Variants in DPY19L4 observed in about 807,000 individuals in gnomAD.
DPY19L4 encodes probable C-mannosyltransferase DPY19L4.
In DPY19L4, 97 loss-of-function variants were observed where a neutral mutation model predicts 102.8. The observed-to-expected ratio is 0.94, with a 90% CI of 0.80 to 1.12. DPY19L4 has a LOEUF of 1.12. DPY19L4 is among the 50% of genes most tolerant of loss of function. DPY19L4 has a pLI of 0.00. For synonymous variants in DPY19L4, 252 were observed against 283.1 expected, an observed-to-expected ratio of 0.89 and a Z score of 1.10; for missense variants, 815 against 850.4, an observed-to-expected ratio of 0.96 and a Z score of 0.52.
chr8:94,788,095 A>ATATATATATATATATATTTTTTTT (rs778540423), intron 18 of DPY19L4, 43 bp downstream of exon 18: 1 of 939,262 alleles, frequency 1.1e-6, no homozygotes, highest in African/African-American at 2.3e-5. Flanking sequence ...ATATATATAT[A>ATATATATATATATATATTTTTTTT]TTTTTTTTTT....
At position 94,734,755 on chromosome 8, in the gene DPY19L4, G is replaced by A. The variant is rs200830188; in HGVS notation, c.252+1G>A. ...GAAATTCTGGTTTTCCAACAGGCAG[G>A]TAAGAAGAAAGAATTTTGAGCATAT... is the stretch of plus-strand genomic sequence containing the variant. On this transcript the variant is annotated splice_donor_variant, in intron 3 of 18. Transcript: ENST00000414645. LOFTEE classifies it high-confidence loss of function. 6.2e-7 allele frequency: 1 copy of A among 1,613,216 alleles called. No individual in the cohort carries two copies. Among genetic ancestry groups the A allele is most frequent in the Non-Finnish European group, 8.5e-7 (1 of 1,179,812 alleles).
chr8:94,773,690 A>G (rs1813034651), intron 13 of DPY19L4, among the ~76,000 whole-genome samples: 1 of 151,960 alleles, frequency 6.6e-6, no homozygotes, highest in African/African-American at 2.4e-5. Context: ...TCAGCCTCCC[A>G]AAGTGCTAGG....
chr8:94,765,091 T>C, intron 8 of DPY19L4, 92 bp from the exon 9 acceptor site: 2 of 923,710 alleles, frequency 2.2e-6, no homozygotes, highest in South Asian at 1.9e-5. Flanking sequence ...GAGCATTAAC[T>C]GTATAATTAT....
At chr8:94,744,817 G>A (rs994845484) in intron 6 of DPY19L4, 14 of 301,162 alleles carry the variant, frequency 4.6e-5, no homozygotes, top group African/African-American at 3.0e-4. Flanking sequence ...TATTGCTGGA[G>A]TAGAAGTTAA....
chr8:94,776,895 G>A (rs934665025), intron 13 of DPY19L4, among the ~76,000 whole-genome samples: 1 of 150,876 alleles, frequency 6.6e-6, no homozygotes, highest in African/African-American at 2.4e-5. Flanking sequence ...AACCCAGAAG[G>A]CGGGGGTTGC....
chr8:94,722,090 CAG>C (rs1393644579), intron 1 of DPY19L4, among the ~76,000 whole-genome samples: 1 of 151,380 alleles, frequency 6.6e-6, no homozygotes, highest in Non-Finnish European at 1.5e-5. Context: ...GCCTGGGTGA[CAG>C]AGTGAGACTC....
chr8:94,770,592 C>A (rs773350295), intron 13 of DPY19L4, 21 bp downstream of exon 13: 4 of 1,612,062 alleles, frequency 2.5e-6, no homozygotes, highest in Non-Finnish European at 3.4e-6. Flanking sequence ...TTTATTTGAT[C>A]CCTTTGTTTT....
chr8:94,775,524 A>G (rs1227477159), intron 13 of DPY19L4, among the ~76,000 whole-genome samples: 1 of 152,164 alleles, frequency 6.6e-6, no homozygotes, highest in Admixed American at 6.6e-5. Flanking sequence ...ACAGGGTCTA[A>G]TTGTGTTGCC....
intron 13 of DPY19L4, 82 bp from the exon 14 acceptor site, chr8:94,777,584 A>G: frequency 6.7e-7 from 1 of 1,496,772 alleles, no homozygotes; most frequent in South Asian, 1.4e-5. Context: ...CGTGAGTAGT[A>G]GGAAAGAGCT....
chr8:94,739,812 ATTTTTAAAAAC>A (rs765176151), intron 6 of DPY19L4, 22 bp downstream of exon 6: 23 of 1,609,252 alleles, frequency 1.4e-5, no homozygotes, highest in Non-Finnish European at 2.0e-5. Context: ...GTTTTAATTG[ATTTTTAAAAAC>A]TTTTTGTGGC....
At chr8:94,785,498 T>C (rs1200816082) in intron 17 of DPY19L4, among the ~76,000 whole-genome samples, 1 of 152,184 alleles carries the variant, frequency 6.6e-6, no homozygotes, top group African/African-American at 2.4e-5. Context: ...AGCCAAGGAA[T>C]TTGTATAGTC....
rs1467388626 is a variant in DPY19L4, at chr8:94,739,710, T to G, written c.531T>G (p.Thr177=). 3 of 1,613,816 alleles carry G rather than the reference T, an allele frequency of 1.9e-6. No homozygotes were observed. The highest frequency in any genetic ancestry group is 1.7e-5 in the Admixed American group (1 of 60,002). ...IVFGLQGIYV[T]ALFVTSWLMS... ...TTGGATTGCAAGGAATATATGTTACTGCTTTATTTGTTACAAGTTGGCTTA... is the reference window on the plus strand; with the variant it reads ...TTGGATTGCAAGGAATATATGTTACGGCTTTATTTGTTACAAGTTGGCTTA... Residue 177 remains threonine (T), a synonymous_variant, in exon 6 of 19, where the codon ACT becomes ACG. Coordinates refer to ENST00000414645, the MANE Select transcript of DPY19L4 (RefSeq NM_181787.3).
intron 6 of DPY19L4, among the ~76,000 whole-genome samples, chr8:94,752,342 T>A (rs1811968678): frequency 6.6e-6 from 1 of 152,034 alleles, no homozygotes; most frequent in African/African-American, 2.4e-5. Context: ...CCCAGCACTT[T>A]GGGAGGCTTA....
intron 1 of DPY19L4, among the ~76,000 whole-genome samples, chr8:94,722,323 A>T: frequency 7.0e-6 from 1 of 142,768 alleles, no homozygotes; most frequent in East Asian, 2.2e-4. Context: ...AAGAGAATCG[A>T]TGGAACCCAG....
chr8:94,772,854 T>C (rs527505693), intron 13 of DPY19L4, among the ~76,000 whole-genome samples: 12 of 152,304 alleles, frequency 7.9e-5, no homozygotes, highest in African/African-American at 2.4e-4. Flanking sequence ...CCAAATCTCT[T>C]TTTAGGCAAG....
intron 2 of DPY19L4, among the ~76,000 whole-genome samples, chr8:94,732,377 G>A (rs1172261885): frequency 1.3e-5 from 2 of 151,988 alleles, no homozygotes; most frequent in Non-Finnish European, 2.9e-5. Context: ...AAATCCAAAT[G>A]TGTCTTATGT....
At chr8:94,737,961 A>G (rs2130814033) in intron 3 of DPY19L4, among the ~76,000 whole-genome samples, 1 of 152,216 alleles carries the variant, frequency 6.6e-6, no homozygotes, top group South Asian at 2.1e-4. Flanking sequence ...TCAGTGAGCC[A>G]TGATTGTGCC....
In DPY19L4 at chr8:94,785,637, T is replaced by A. The variant is rs6997788; in HGVS notation, c.1848+1835T>A. Among the ~76,000 whole-genome samples, 280 of 152,322 alleles carry A rather than the reference T, an allele frequency of 1.8e-3. 1 individual carries two copies. Among genetic ancestry groups the A allele is most frequent in the African/African-American group, 6.3e-3 (264 of 41,578 alleles). ...TAAACCTGGCAGTCGAATGATTAGA[T>A]CTGCTTTGGAGAGTTAATTATGGTC... is the stretch of plus-strand genomic sequence containing the variant. On this transcript the variant is annotated intron_variant, in intron 17 of 18. Coordinates refer to ENST00000414645, the MANE Select transcript of DPY19L4 (RefSeq NM_181787.3).
chr8:94,783,661 T>C lies in DPY19L4; in HGVS notation c.1716-9T>C. On this transcript the variant is annotated splice_polypyrimidine_tract_variant and intron_variant, in intron 16 of 18. Coordinates refer to ENST00000414645, the MANE Select transcript of DPY19L4 (RefSeq NM_181787.3). ...TTTTCAGTGTGCAAATCTTTATGGTTCTTTGCAGAAGGCAAGCTCCAGTTG... is the reference window on the plus strand; with the variant it reads ...TTTTCAGTGTGCAAATCTTTATGGTCCTTTGCAGAAGGCAAGCTCCAGTTG... 17 of 1,613,176 alleles carry C rather than the reference T, an allele frequency of 1.1e-5. No homozygotes were observed. The highest frequency in any genetic ancestry group is 1.4e-5 in the Non-Finnish European group (17 of 1,179,794).
Sources: allele counts gnomAD v4.1 joint callset (sites outside exome capture counted in the v4.1 genomes callset), GRCh38; gene constraint gnomAD v4.1.1; transcripts MANE v1.5; gene names NCBI Gene and HGNC (gene_info 2026-07-23, HGNC 2026-07-21).